Variants in ZNF536 observed in about 807,000 individuals in gnomAD.
The protein encoded by ZNF536 is zinc finger protein 536.
ZNF536 carries 13 observed loss-of-function variants against 84.5 expected under a neutral mutation model. The ratio of observed to expected loss-of-function variants is 0.15; its 90% confidence interval spans 0.10 to 0.24. The LOEUF (loss-of-function observed/expected upper bound fraction) is 0.24. Ranked by LOEUF, ZNF536 falls within the 10% of genes least tolerant of loss-of-function variation. The pLI is 1.00. For synonymous variants in ZNF536, 811 were observed against 742.5 expected, an observed-to-expected ratio of 1.09 and a Z score of -1.50; for missense variants, 1,536 against 1,747.5, an observed-to-expected ratio of 0.88 and a Z score of 2.16.
intron 1 of ZNF536, among the ~76,000 whole-genome samples, chr19:30,628,767 C>T (rs754429959): frequency 2.0e-5 from 3 of 151,956 alleles, no homozygotes; most frequent in East Asian, 1.9e-4. Context: ...GGCATGATCT[C>T]GGCTCACTGC....
intron 2 of ZNF536, among the ~76,000 whole-genome samples, chr19:30,446,343 A>G (rs1042200689): frequency 6.6e-6 from 1 of 151,334 alleles, no homozygotes; most frequent in African/African-American, 2.4e-5. Context: ...TTCAGTGGGC[A>G]TAATCTACCT....
intron 1 of ZNF536, among the ~76,000 whole-genome samples, chr19:30,390,754 A>G (rs1160257999): frequency 2.0e-5 from 3 of 152,064 alleles, no homozygotes; most frequent in African/African-American, 7.2e-5. Context: ...TTACTGGAGG[A>G]TTCTAATCAA....
In ZNF536 at chr19:30,534,901, G is replaced by A. The variant is rs751094459; in HGVS notation, c.2225G>A (p.Arg742His). The A allele has an allele frequency of 3.1e-5, 50 of 1,613,710 alleles. No homozygotes were observed. Among genetic ancestry groups the A allele is most frequent in the Non-Finnish European group, 4.0e-5 (47 of 1,179,842 alleles). Residue 742 changes from arginine to histidine, a missense_variant, in exon 3 of 5, where the codon CGC becomes CAC. By Grantham distance (29) the Arg-to-His change is conservative. Transcript: ENST00000355537. ...GGCGTCCAGCAACCAGCGCTGCTTC[G>A]CGACAGAAGCCTGGGCTCGGCCATG... Reference protein sequence around the residue: ...SAGVQQPALLRDRSLGSAMKD... With the variant: ...SAGVQQPALLHDRSLGSAMKD...
At chr19:30,488,538 G>A (rs1454551631) in intron 2 of ZNF536, among the ~76,000 whole-genome samples, 1 of 149,968 alleles carries the variant, frequency 6.7e-6, no homozygotes, top group African/African-American at 2.5e-5. Context: ...AATTCAAAAA[G>A]GAAAATTATT....
rs149005024 is a variant in ZNF536 at position 30,300,205 on chromosome 19, C to T, written c.-120+16064C>T. Among the ~76,000 whole-genome samples the T allele has an allele frequency of 6.6e-3, 1,006 of 152,260 alleles. 8 individuals carry two copies. The highest frequency in any genetic ancestry group is 0.022 in the African/African-American group (915 of 41,536). ...GCAGGCATTTCCCCCCGTCCCACCC[C>T]GGTGAATCTGATTAACCTGTTGTCC... is the stretch of plus-strand genomic sequence containing the variant. On this transcript the variant is annotated intron_variant, in intron 2 of 5. Transcript: ENST00000585628.
chr19:30,522,263 A>ATATATGTGTATATATATATATATATATG (rs1491547071), intron 2 of ZNF536, among the ~76,000 whole-genome samples: 17 of 119,318 alleles, frequency 1.4e-4, no homozygotes, highest in East Asian at 4.0e-4. Flanking sequence ...ATATATATAC[A>ATATATGTGTATATATATATATATATATG]TATATATATA....
intron 1 of ZNF536, among the ~76,000 whole-genome samples, chr19:30,629,320 C>G (rs1402800171): frequency 6.6e-6 from 1 of 152,150 alleles, no homozygotes; most frequent in Non-Finnish European, 1.5e-5. Flanking sequence ...TTACCTCAGA[C>G]TCCTAAGTAG....
At chr19:30,393,802 G>A (rs1172393110) in intron 1 of ZNF536, among the ~76,000 whole-genome samples, 1 of 152,204 alleles carries the variant, frequency 6.6e-6, no homozygotes, top group Non-Finnish European at 1.5e-5. Context: ...CGCCACAGAG[G>A]CCTTGATGAA....
intron 1 of ZNF536, among the ~76,000 whole-genome samples, chr19:30,245,735 C>T (rs773761858): frequency 2.0e-5 from 3 of 152,200 alleles, no homozygotes; most frequent in South Asian, 2.1e-4. Flanking sequence ...TAATCAAGGG[C>T]GCATGTTATG....
intron 2 of ZNF536, among the ~76,000 whole-genome samples, chr19:30,510,590 C>T (rs1034241717): frequency 3.9e-5 from 6 of 152,202 alleles, no homozygotes; most frequent in South Asian, 2.1e-4. Context: ...ACGCGGGGAT[C>T]GCTGCTTCCC....
chr19:30,469,417 A>G (rs148545657), intron 2 of ZNF536, among the ~76,000 whole-genome samples: 33 of 152,244 alleles, frequency 2.2e-4, no homozygotes, highest in Non-Finnish European at 4.1e-4. Context: ...ATCTCAAAAA[A>G]AAAGAGAGGA....
At chr19:30,672,600 G>T (rs2050599166) in intron 1 of ZNF536, among the ~76,000 whole-genome samples, 1 of 152,190 alleles carries the variant, frequency 6.6e-6, no homozygotes, top group African/African-American at 2.4e-5. Flanking sequence ...CCTAGCTCAA[G>T]AATCTGTTAG....
intron 1 of ZNF536, among the ~76,000 whole-genome samples, chr19:30,581,220 G>A (rs1354738460): frequency 1.3e-5 from 2 of 152,210 alleles, no homozygotes; most frequent in Non-Finnish European, 2.9e-5. Flanking sequence ...GCTCCCGCCT[G>A]TAATCCCAGC....
intron 1 of ZNF536, among the ~76,000 whole-genome samples, chr19:30,701,506 AACTCACAAACACACAGACAC>A (rs1207142893): frequency 7.1e-6 from 1 of 140,286 alleles, no homozygotes; most frequent in Non-Finnish European, 1.6e-5. Context: ...CAGACACAAA[AACTCACAAACACACAGACAC>A]ACAAACACAC....
In ZNF536 at chr19:30,478,160, T is replaced by C. The variant is rs554882670; in HGVS notation, c.2170+32428T>C. Among the ~76,000 whole-genome samples, 35 of 151,634 alleles carry C rather than the reference T, an allele frequency of 2.3e-4. 1 individual carries two copies. In the East Asian group the frequency reaches 4.1e-3, roughly 18 times the overall value. ...GTTCATGGATAATCCTTGGTGTTTT[T>C]TTTTTTTTTTTTCCAGGATAAAGTT... On this transcript the variant is annotated intron_variant, in intron 2 of 4. Coordinates refer to ENST00000355537, the MANE Select transcript of ZNF536 (RefSeq NM_014717.3).
At chr19:30,470,360 G>C (rs763053281) in intron 2 of ZNF536, among the ~76,000 whole-genome samples, 2 of 152,052 alleles carry the variant, frequency 1.3e-5, no homozygotes, top group African/African-American at 2.4e-5. Flanking sequence ...AACACATGAA[G>C]CAATGTTGAT....
At chr19:30,473,339 T>C (rs2053717864) in intron 2 of ZNF536, among the ~76,000 whole-genome samples, 1 of 152,038 alleles carries the variant, frequency 6.6e-6, no homozygotes, top group Non-Finnish European at 1.5e-5. Context: ...TATCCTTTGG[T>C]GTTTTAGCCC....
chr19:30,539,057 AG>A (rs1453697130), intron 3 of ZNF536, among the ~76,000 whole-genome samples: 1 of 152,008 alleles, frequency 6.6e-6, no homozygotes, highest in East Asian at 1.9e-4. Context: ...AAGGAAAGAA[AG>A]GAAAGAAAAG....
At chr19:30,446,411 T>C (rs1159542378) in intron 2 of ZNF536, among the ~76,000 whole-genome samples, 2 of 152,096 alleles carry the variant, frequency 1.3e-5, no homozygotes, top group African/African-American at 4.8e-5. Context: ...CATCATCTGG[T>C]CTCTGGAACT....
Sources: allele counts gnomAD v4.1 joint callset (sites outside exome capture counted in the v4.1 genomes callset), GRCh38; gene constraint gnomAD v4.1.1; transcripts MANE v1.5; gene names NCBI Gene and HGNC (gene_info 2026-07-23, HGNC 2026-07-21).